The following ZNF451 variants were observed in gnomAD, a reference collection of about 807,000 sequenced individuals.
The protein encoded by ZNF451 is zinc finger protein 451, also known as E3 SUMO-protein ligase ZNF451.
ZNF451 carries 80 observed loss-of-function variants against 107.1 expected under a neutral mutation model. The observed-to-expected ratio is 0.75, with a 90% CI of 0.62 to 0.90. The LOEUF (loss-of-function observed/expected upper bound fraction) is 0.90, where lower values mean the gene tolerates loss of function less well. ZNF451 is among the 40% of genes least tolerant of loss of function. ZNF451 has a pLI of 0.00. For missense variants in ZNF451, 1,107 were observed against 1,236.2 expected (o/e 0.90, Z 1.57); for synonymous variants, 362 against 406.5 (o/e 0.89, Z 1.32).
intron 2 of ZNF451, among the ~76,000 whole-genome samples, chr6:57,096,103 C>A (rs1444347254): frequency 7.9e-5 from 12 of 151,612 alleles, no homozygotes; most frequent in Non-Finnish European, 2.9e-5. Flanking sequence ...AGATTACAGG[C>A]ATGAGCCATC....
intron 14 of ZNF451, among the ~76,000 whole-genome samples, chr6:57,166,456 G>A (rs756405650): frequency 6.6e-6 from 1 of 151,976 alleles, no homozygotes; most frequent in Non-Finnish European, 1.5e-5. Context: ...CAAACACTTT[G>A]TACAGCTATA....
chr6:57,114,444 C>A (rs530852942), intron 3 of ZNF451, among the ~76,000 whole-genome samples: 1 of 152,156 alleles, frequency 6.6e-6, no homozygotes, highest in South Asian at 2.1e-4. Flanking sequence ...TAAGTGATAA[C>A]GGTGTTTGGC....
chr6:57,116,293 T>G (rs1006618872), intron 3 of ZNF451: 2 of 152,318 alleles, frequency 1.3e-5, no homozygotes, highest in South Asian at 4.1e-4. Context: ...GTGCTGTGGC[T>G]TACGCCACAG....
intron 14 of ZNF451, among the ~76,000 whole-genome samples, chr6:57,162,491 A>G (rs1234449987): frequency 1.3e-5 from 2 of 152,212 alleles, no homozygotes; most frequent in East Asian, 3.8e-4. Flanking sequence ...AAGTGTTTTG[A>G]CCAACTTGTT....
At chr6:57,106,293 T>G (rs1429827317) in intron 3 of ZNF451, 16 of 964,746 alleles carry the variant, frequency 1.7e-5, no homozygotes, top group Non-Finnish European at 1.8e-5. Context: ...GTTTAAAGAT[T>G]GCAATAAGTG....
intron 3 of ZNF451, chr6:57,101,895 T>G: frequency 1.9e-6 from 3 of 1,550,526 alleles, no homozygotes; most frequent in Non-Finnish European, 2.6e-6. Flanking sequence ...AAGCTGTTGT[T>G]GCAGAAGACA....
chr6:57,124,626 A>G, intron 3 of ZNF451, 108 bp from the exon 4 acceptor site: 1 of 829,924 alleles, frequency 1.2e-6, no homozygotes, highest in Non-Finnish European at 1.9e-6. Flanking sequence ...ATAGGTTCTT[A>G]TAACTCAAGT....
At chr6:57,149,652 A>G (rs1195539511) in intron 10 of ZNF451, among the ~76,000 whole-genome samples, 1 of 152,222 alleles carries the variant, frequency 6.6e-6, no homozygotes, top group Non-Finnish European at 1.5e-5. Context: ...ATGTATTTTT[A>G]TGAACTATTG....
intron 3 of ZNF451, chr6:57,104,199 A>G (rs1331893085): frequency 2.0e-6 from 2 of 985,322 alleles, no homozygotes; most frequent in African/African-American, 1.7e-5. Context: ...AATATCGATT[A>G]CCTGAACAGA....
intron 3 of ZNF451, chr6:57,114,795 A>T (rs896594631): frequency 1.3e-5 from 2 of 152,214 alleles, no homozygotes; most frequent in African/African-American, 4.8e-5. Context: ...TTCATTAATA[A>T]TTAAAATTAG....
At chr6:57,109,897 T>A (rs1260435463) in intron 3 of ZNF451, among the ~76,000 whole-genome samples, 1 of 152,212 alleles carries the variant, frequency 6.6e-6, no homozygotes, top group Non-Finnish European at 1.5e-5. Flanking sequence ...CAGTACCTGC[T>A]ATGTGCAGGC....
Position 57,147,188 on chromosome 6 carries a change from A to G in ZNF451, c.1103A>G (p.Asn368Ser), listed in dbSNP as rs41267683. The change falls in exon 10 of 15, where the codon AAT (asparagine) becomes AGT (serine). Residue 368 changes from asparagine to serine, a missense_variant. Transcript: ENST00000370706. Reference protein sequence around the residue: ...FILRGYCPDCNQVFVDETSTQ... With the variant: ...FILRGYCPDCSQVFVDETSTQ... ...TTAAGAGGTTATTGTCCAGATTGCA[A>G]TCAAGTCTTTGTGGATGAAACCAGC... 122 of 1,614,124 alleles carry G rather than the reference A, an allele frequency of 7.6e-5. No individual in the cohort carries two copies. Among genetic ancestry groups the G allele is most frequent in the Non-Finnish European group, 8.1e-5 (95 of 1,179,960 alleles).
intron 2 of ZNF451, among the ~76,000 whole-genome samples, chr6:57,092,378 G>A (rs973839141): frequency 1.3e-5 from 2 of 152,118 alleles, no homozygotes; most frequent in African/African-American, 2.4e-5. Flanking sequence ...TGCATCAAGA[G>A]TAAAGAATGT....
At chr6:57,104,957 A>C in intron 3 of ZNF451, 1 of 984,962 alleles carries the variant, frequency 1.0e-6, no homozygotes, top group Non-Finnish European at 1.2e-6. Flanking sequence ...TTTTAGTAAT[A>C]GATTAGTTTC....
At chr6:57,109,592 G>C (rs1343317114) in intron 3 of ZNF451, 4 of 985,168 alleles carry the variant, frequency 4.1e-6, no homozygotes, top group Non-Finnish European at 4.8e-6. Flanking sequence ...ATTTTAAAAT[G>C]TTATTTAACA....
chr6:57,096,407 A>G (rs1189787534), intron 2 of ZNF451, among the ~76,000 whole-genome samples: 1 of 151,282 alleles, frequency 6.6e-6, no homozygotes, highest in East Asian at 1.9e-4. Context: ...GCTGGTCTCA[A>G]ATTCCTGACC....
At chr6:57,093,476 C>G (rs1829145665) in intron 2 of ZNF451, among the ~76,000 whole-genome samples, 1 of 152,128 alleles carries the variant, frequency 6.6e-6, no homozygotes, top group African/African-American at 2.4e-5. Context: ...TCATAATATG[C>G]AAAGCCGTGA....
chr6:57,144,748 G>T (rs1831975807), intron 9 of ZNF451, among the ~76,000 whole-genome samples: 1 of 151,974 alleles, frequency 6.6e-6, no homozygotes, highest in Non-Finnish European at 1.5e-5. Flanking sequence ...GGCTAACATG[G>T]CGAAACCCCA....
intron 2 of ZNF451, among the ~76,000 whole-genome samples, chr6:57,098,304 A>G (rs1829423697): frequency 1.3e-5 from 2 of 151,702 alleles, no homozygotes; most frequent in Admixed American, 1.3e-4. Flanking sequence ...AAGTGGTGGG[A>G]TTACAGACAT....
Sources: allele counts gnomAD v4.1 joint callset (sites outside exome capture counted in the v4.1 genomes callset), GRCh38; gene constraint gnomAD v4.1.1; transcripts MANE v1.5; gene names NCBI Gene and HGNC (gene_info 2026-07-23, HGNC 2026-07-21).